Variants in LRRC37A2 observed in about 807,000 individuals in gnomAD.
LRRC37A2 encodes leucine-rich repeat-containing protein 37A2.
LRRC37A2 carries 9 observed loss-of-function variants against 68.8 expected under a neutral mutation model. That is an observed-to-expected ratio of 0.13 (90% CI 0.08 to 0.23). The LOEUF is 0.23. LRRC37A2 is among the 10% of genes least tolerant of loss of function. The pLI is 1.00. For synonymous variants in LRRC37A2, 63 were observed against 367.6 expected, an observed-to-expected ratio of 0.17 and a Z score of 9.48; for missense variants, 168 against 950.4, an observed-to-expected ratio of 0.18 and a Z score of 10.82.
chr17:46,884,037 T>C, the LRRC37A2 span, among the ~76,000 whole-genome samples: 6 of 151,862 alleles, frequency 4.0e-5, no homozygotes, highest in Non-Finnish European at 8.8e-5. Context: ...AGTGGAGTGG[T>C]GGAGGCCGGG....
the LRRC37A2 span, chr17:46,721,832 T>G: frequency 9.4e-6 from 15 of 1,596,234 alleles, no homozygotes; most frequent in East Asian, 3.1e-4. Flanking sequence ...CTTTTGCTTA[T>G]TTTTTGTACG....
the LRRC37A2 span, among the ~76,000 whole-genome samples, chr17:46,793,741 C>G: frequency 1.3e-5 from 2 of 152,200 alleles, no homozygotes; most frequent in African/African-American, 4.8e-5. Context: ...AGATGACACA[C>G]GTTCCCAGCA....
At chr17:46,856,523 C>T in the LRRC37A2 span, among the ~76,000 whole-genome samples, 1 of 148,036 alleles carries the variant, frequency 6.8e-6, no homozygotes, top group Non-Finnish European at 1.5e-5. Context: ...CTCACTATGT[C>T]GCCCAGGCTG....
chr17:46,797,690 C>G, the LRRC37A2 span, among the ~76,000 whole-genome samples: 456 of 152,286 alleles, frequency 3.0e-3, 1 homozygote, highest in African/African-American at 0.01. Flanking sequence ...CAGCGAGATG[C>G]ACATCCATGG....
chr17:46,909,442 G>C, the LRRC37A2 span, among the ~76,000 whole-genome samples: 1 of 152,210 alleles, frequency 6.6e-6, no homozygotes, highest in Non-Finnish European at 1.5e-5. Flanking sequence ...ATCCAATACA[G>C]ATGAAAAATA....
the LRRC37A2 span, among the ~76,000 whole-genome samples, chr17:46,903,515 A>G: frequency 6.6e-6 from 1 of 152,098 alleles, no homozygotes; most frequent in African/African-American, 2.4e-5. Flanking sequence ...TATGTGAAAT[A>G]AATTTTCCTT....
the LRRC37A2 span, among the ~76,000 whole-genome samples, chr17:46,848,528 A>G: frequency 6.6e-6 from 1 of 152,344 alleles, no homozygotes; most frequent in Middle Eastern, 3.4e-3. Context: ...GCTGCTCTTC[A>G]TGTCCTTCCT....
At chr17:46,954,439 C>T in the LRRC37A2 span, among the ~76,000 whole-genome samples, 3 of 152,152 alleles carry the variant, frequency 2.0e-5, no homozygotes, top group Non-Finnish European at 2.9e-5. Flanking sequence ...GTTACTGTAG[C>T]GTTGTAGTAT....
the LRRC37A2 span, chr17:47,010,380 G>A: frequency 6.6e-6 from 1 of 152,328 alleles, no homozygotes; most frequent in African/African-American, 2.4e-5. Flanking sequence ...AACCCCATGA[G>A]AGAAGGAGTT....
the LRRC37A2 span, among the ~76,000 whole-genome samples, chr17:46,980,653 T>C: frequency 1.3e-5 from 1 of 77,126 alleles, no homozygotes; most frequent in East Asian, 5.9e-4. Flanking sequence ...AAACCCTGTC[T>C]CTACTAAAAA....
chr17:46,727,337 A>T, the LRRC37A2 span, among the ~76,000 whole-genome samples: 1 of 152,208 alleles, frequency 6.6e-6, no homozygotes, highest in African/African-American at 2.4e-5. Flanking sequence ...GTAAAATTAA[A>T]TCAGTCTGAC....
the LRRC37A2 span, among the ~76,000 whole-genome samples, chr17:46,921,593 A>G: frequency 2.0e-5 from 3 of 152,092 alleles, no homozygotes; most frequent in African/African-American, 7.2e-5. Context: ...TCTGACAAAG[A>G]GCTAATATCC....
the LRRC37A2 span, chr17:46,755,260 C>A: frequency 2.2e-6 from 3 of 1,350,302 alleles, no homozygotes; most frequent in East Asian, 6.9e-5. Flanking sequence ...GAAGCAAGTG[C>A]AGAGTTGTTA....
chr17:46,943,898 G>A, the LRRC37A2 span, among the ~76,000 whole-genome samples: 2 of 152,200 alleles, frequency 1.3e-5, no homozygotes, highest in African/African-American at 2.4e-5. Context: ...GAATCCTGGC[G>A]ATCCCTCGGT....
chr17:46,986,941 C>T, the LRRC37A2 span, among the ~76,000 whole-genome samples: 5 of 151,978 alleles, frequency 3.3e-5, no homozygotes, highest in Admixed American at 1.3e-4. Flanking sequence ...CAGAGGCTGG[C>T]GGAGTGCATA....
chr17:46,888,026 C>T, the LRRC37A2 span, among the ~76,000 whole-genome samples: 1 of 152,216 alleles, frequency 6.6e-6, no homozygotes, highest in Non-Finnish European at 1.5e-5. Context: ...AGACTTTTTA[C>T]TCCATTTCTT....
At chr17:46,777,689 T>A in the LRRC37A2 span, among the ~76,000 whole-genome samples, 1 of 152,192 alleles carries the variant, frequency 6.6e-6, no homozygotes, top group African/African-American at 2.4e-5. Context: ...CACTGAATCC[T>A]CACAACAACT....
At chr17:46,883,341 A>G in the LRRC37A2 span, among the ~76,000 whole-genome samples, 181 of 142,898 alleles carry the variant, frequency 1.3e-3, no homozygotes, top group African/African-American at 4.6e-3. Flanking sequence ...CTGGAGTGCA[A>G]TGGCGCAATC....
chr17:46,840,367 C>T, the LRRC37A2 span, among the ~76,000 whole-genome samples: 4 of 152,260 alleles, frequency 2.6e-5, no homozygotes, highest in South Asian at 2.1e-4. Context: ...ATTACAGGCG[C>T]GAGCCACGGT....
Sources: allele counts gnomAD v4.1 joint callset (sites outside exome capture counted in the v4.1 genomes callset), GRCh38; gene constraint gnomAD v4.1.1; transcripts MANE v1.5; gene names NCBI Gene and HGNC (gene_info 2026-07-23, HGNC 2026-07-21).